Variants in CDKL5 observed in about 807,000 individuals in gnomAD.
CDKL5 encodes cyclin-dependent kinase-like 5.
Under a neutral mutation model 61.7 loss-of-function variants are expected in CDKL5, and 8 were observed. That is an observed-to-expected ratio of 0.13 (90% confidence interval 0.08 to 0.23). The LOEUF (loss-of-function observed/expected upper bound fraction) is 0.23, where lower values mean the gene tolerates loss of function less well. CDKL5 is among the 10% of genes least tolerant of loss of function. The pLI, the probability that CDKL5 is intolerant of heterozygous loss-of-function variation, is 1.00. For missense variants in CDKL5, 440 were observed against 734.5 expected (o/e 0.60, Z 4.63); for synonymous variants, 275 against 272.3 (o/e 1.01, Z -0.10).
chrX:18,577,338 A>T (rs915807759), intron 5 of CDKL5, among the ~76,000 whole-genome samples: 1 of 110,993 alleles, frequency 9.0e-6, no homozygotes, highest in Non-Finnish European at 1.9e-5. Context: ...CAGGCCTGAG[A>T]TTCTTCCCCC....
chrX:18,632,731 G>T lies in CDKL5; in HGVS notation c.*3974G>T. On this transcript the variant is annotated 3_prime_UTR_variant, in exon 18 of 18. Coordinates refer to ENST00000623535, the MANE Select transcript of CDKL5 (RefSeq NM_001323289.2). ...GCCATGTATTATAAAGTATGTTGTG[G>T]TTGTAGAGTTAGCCAGTTTAGCATG... 9 of 754,195 alleles carry T rather than the reference G, an allele frequency of 1.2e-5. No homozygotes were observed. The highest frequency in any genetic ancestry group is 1.4e-5 in the Non-Finnish European group (9 of 639,203). 62.2% of individuals were successfully genotyped at this position (754,195 alleles called of 1,213,427 possible). A position where few individuals can be genotyped will look rare whatever the true frequency, so the allele number is the denominator to read the frequency against.
chrX:18,441,226 G>A (rs1471553248), intron 1 of CDKL5, among the ~76,000 whole-genome samples: 1 of 111,072 alleles, frequency 9.0e-6, no homozygotes, highest in Non-Finnish European at 1.9e-5. Context: ...GACCAGCCTG[G>A]GCAACATGGT....
chrX:18,601,764 A>G (rs1281116644), intron 11 of CDKL5, among the ~76,000 whole-genome samples: 1 of 112,293 alleles, frequency 8.9e-6, no homozygotes, highest in Non-Finnish European at 1.9e-5. Context: ...TCTTTCTAAG[A>G]TCCACATGTA....
chrX:18,609,329 G>C (rs1926465359), intron 13 of CDKL5, 136 bp from the exon 14 acceptor site: 1 of 1,086,646 alleles, frequency 9.2e-7, no homozygotes, highest in South Asian at 2.1e-5. Flanking sequence ...GGGCAGTCAA[G>C]GCTACAGTAA....
At chrX:18,605,047 A>G (rs1243247387) in intron 12 of CDKL5, among the ~76,000 whole-genome samples, 179 bp downstream of exon 12, 3 of 110,633 alleles carry the variant, frequency 2.7e-5, no homozygotes, top group African/African-American at 9.9e-5. Context: ...TGTTTTTTAA[A>G]TCTATTTAGA....
At chrX:18,520,980 C>G (rs982971514) in intron 3 of CDKL5, among the ~76,000 whole-genome samples, 1 of 112,366 alleles carries the variant, frequency 8.9e-6, no homozygotes, top group Admixed American at 9.4e-5. Flanking sequence ...CTCCAGCGAT[C>G]CACCTACCTT....
intron 16 of CDKL5, among the ~76,000 whole-genome samples, chrX:18,620,499 G>A (rs890817013): frequency 5.7e-4 from 63 of 111,290 alleles, no homozygotes; most frequent in African/African-American, 2.0e-3. Flanking sequence ...TTTTGATCGC[G>A]CTGTGGGTTG....
At chrX:18,649,779 G>C (rs1176417565) in intron 20 of CDKL5, among the ~76,000 whole-genome samples, 1 of 112,262 alleles carries the variant, frequency 8.9e-6, no homozygotes, top group Non-Finnish European at 1.9e-5. Flanking sequence ...CGAGGACTGA[G>C]TGCCTGCGGA....
chrX:18,436,159 G>A (rs1782282298), intron 1 of CDKL5, among the ~76,000 whole-genome samples: 1 of 111,450 alleles, frequency 9.0e-6, no homozygotes, highest in South Asian at 3.7e-4. Flanking sequence ...GAAGAGAAAA[G>A]ATACTTACTA....
chrX:18,563,309 G>A, intron 3 of CDKL5, among the ~76,000 whole-genome samples: 1 of 111,780 alleles, frequency 8.9e-6, no homozygotes, highest in Non-Finnish European at 1.9e-5. Flanking sequence ...ATACATGAAA[G>A]AGTCACCTTT....
At chrX:18,562,993 C>T (rs1924853526) in intron 3 of CDKL5, among the ~76,000 whole-genome samples, 1 of 111,989 alleles carries the variant, frequency 8.9e-6, no homozygotes, top group African/African-American at 3.2e-5. Flanking sequence ...CAGTTTTGAA[C>T]TGAGTAAGAT....
chrX:18,488,318 A>G (rs1246942440), intron 1 of CDKL5, among the ~76,000 whole-genome samples: 1 of 111,727 alleles, frequency 9.0e-6, no homozygotes. Context: ...AAATCTGGAT[A>G]TTCAAAATTT....
intron 1 of CDKL5, among the ~76,000 whole-genome samples, chrX:18,442,948 C>T (rs1311014173): frequency 8.9e-6 from 1 of 112,042 alleles, no homozygotes; most frequent in Non-Finnish European, 1.9e-5. Context: ...TTATTCCTGT[C>T]CTCCTGAATA....
intron 20 of CDKL5, chrX:18,650,327 C>A: frequency 1.1e-6 from 1 of 946,993 alleles, no homozygotes; most frequent in Non-Finnish European, 1.5e-6. Context: ...TCACTGTCAC[C>A]TTGGCTTCAG....
chrX:18,653,226 T>C (rs1425526850), intron 21 of CDKL5, among the ~76,000 whole-genome samples: 2 of 112,199 alleles, frequency 1.8e-5, no homozygotes, highest in Non-Finnish European at 3.8e-5. Flanking sequence ...CTACCCTATT[T>C]TTTGCTCTCA....
rs267608629 is a variant in CDKL5 at position 18,604,306 on chromosome X, A to T, written c.1382A>T (p.Asn461Ile). The T allele has an allele frequency of 2.9e-5, 35 of 1,209,668 alleles. No individual in the cohort carries two copies. The highest frequency in any genetic ancestry group is 3.6e-5 in the Non-Finnish European group (32 of 894,879). ...SQSKAGTLQP[N>I]EKQSRHSYID... is the part of the protein sequence containing the mutation. The stretch of plus-strand genomic sequence containing the variant: ...AGCAAAGCTGGGACACTGCAGCCCA[A>T]TGAAAAGCAGAGTCGGCATAGCTAT... The change falls in exon 12 of 18, where the codon AAT becomes ATT. Residue 461 changes from asparagine to isoleucine, a missense_variant. Physicochemically the swap from Asn to Ile is moderately radical, Grantham distance 149. This residue lies in a region of CDKL5 where 363 missense variants were observed against 516.3 expected (regional missense o/e 0.70). Transcript: ENST00000623535.
chrX:18,649,041 C>CA (rs746581850), intron 20 of CDKL5, among the ~76,000 whole-genome samples: 1,243 of 50,668 alleles, frequency 0.025, 17 homozygotes, highest in East Asian at 0.055. Context: ...GACACTGTCT[C>CA]AAAAAAAAAA....
intron 3 of CDKL5, among the ~76,000 whole-genome samples, chrX:18,547,480 A>T (rs762764709): frequency 8.9e-6 from 1 of 112,552 alleles, no homozygotes; most frequent in East Asian, 2.8e-4. Flanking sequence ...GATTTTAACT[A>T]GAGTGCTTCA....
chrX:18,433,073 C>T (rs1298596382), intron 1 of CDKL5, among the ~76,000 whole-genome samples: 1 of 105,288 alleles, frequency 9.5e-6, no homozygotes, highest in African/African-American at 3.5e-5. Flanking sequence ...ACAAAAAATA[C>T]AAAAATCAGC....
Sources: allele counts gnomAD v4.1 joint callset (sites outside exome capture counted in the v4.1 genomes callset), GRCh38; gene constraint gnomAD v4.1.1; regional missense constraint gnomAD v4.1.1; transcripts MANE v1.5; gene names NCBI Gene and HGNC (gene_info 2026-07-23, HGNC 2026-07-21).